Variants in PPM1E observed in about 807,000 individuals in gnomAD.
The protein encoded by PPM1E is protein phosphatase, Mg2+/Mn2+ dependent 1E, also known as protein phosphatase 1E.
In PPM1E, 20 loss-of-function variants were observed where a neutral mutation model predicts 65.9. The observed-to-expected ratio is 0.30, with a 90% CI of 0.21 to 0.44. PPM1E has a LOEUF of 0.44. Ranked by LOEUF, PPM1E falls within the 20% of genes least tolerant of loss-of-function variation. The pLI, the probability that PPM1E is intolerant of heterozygous loss-of-function variation, is 1.00. For synonymous variants in PPM1E, 352 were observed against 374.9 expected (o/e 0.94, Z 0.70); for missense variants, 713 against 953.1 (o/e 0.75, Z 3.32).
intron 2 of PPM1E, among the ~76,000 whole-genome samples, chr17:58,961,495 T>C (rs1678178332): frequency 6.6e-6 from 1 of 152,220 alleles, no homozygotes; most frequent in South Asian, 2.1e-4. Flanking sequence ...GTAAATGTTA[T>C]TTATTATTAC....
Position 58,836,879 on chromosome 17 carries a change from G to A in PPM1E, c.464+80418G>A, listed in dbSNP as rs544318590. ...TACTAAAAATACAAAAATTAGCCGG[G>A]CATGGTGGCGCGCGCCTGTAGTCCC... On this transcript the variant is annotated intron_variant, in intron 1 of 6. Transcript: ENST00000308249. 9.6e-4 allele frequency among the ~76,000 whole-genome samples: 144 copies of A among 150,122 alleles called. No homozygotes were observed. In the Middle Eastern group the frequency reaches 0.01, roughly 11 times the overall value.
intron 4 of PPM1E, among the ~76,000 whole-genome samples, chr17:58,970,040 AC>A (rs2030492926): frequency 6.6e-6 from 1 of 152,182 alleles, no homozygotes; most frequent in Non-Finnish European, 1.5e-5. Context: ...TCACACCAGG[AC>A]CATCTCTCTA....
intron 1 of PPM1E, among the ~76,000 whole-genome samples, chr17:58,806,275 A>G (rs1285383338): frequency 1.3e-5 from 2 of 151,984 alleles, no homozygotes; most frequent in East Asian, 3.8e-4. Flanking sequence ...GCGAGAGTAC[A>G]AAGTCTATTA....
intron 1 of PPM1E, among the ~76,000 whole-genome samples, chr17:58,824,388 A>G (rs910113898): frequency 2.0e-5 from 3 of 152,196 alleles, no homozygotes; most frequent in African/African-American, 7.2e-5. Flanking sequence ...CTGCTGCAGG[A>G]TAAACCTTTT....
intron 1 of PPM1E, among the ~76,000 whole-genome samples, chr17:58,830,442 G>A (rs1181522220): frequency 6.6e-6 from 1 of 151,706 alleles, no homozygotes; most frequent in Non-Finnish European, 1.5e-5. Context: ...CGAGTAGCTG[G>A]GACTACAGGC....
At chr17:58,827,103 T>C (rs2050544773) in intron 1 of PPM1E, among the ~76,000 whole-genome samples, 2 of 151,034 alleles carry the variant, frequency 1.3e-5, no homozygotes, top group Admixed American at 1.3e-4. Flanking sequence ...GTGGAATATA[T>C]AAAAGCCTGC....
rs535752858 is a variant in PPM1E at position 58,774,035 on chromosome 17, G to A, written c.464+17574G>A. ...AAATTAGCTGGGTGTGGTGACACAC[G>A]CCTGTAATCCCAGCTACTCAGGAGG... On this transcript the variant is annotated intron_variant, in intron 1 of 6. Coordinates refer to ENST00000308249, the MANE Select transcript of PPM1E (RefSeq NM_014906.5). Among the ~76,000 whole-genome samples, 162 of 152,086 alleles carry A rather than the reference G, an allele frequency of 1.1e-3. 1 individual carries two copies. The highest frequency in any genetic ancestry group is 3.7e-3 in the African/African-American group (152 of 41,518).
At chr17:58,825,177 AAAAT>A (rs1225457676) in intron 1 of PPM1E, among the ~76,000 whole-genome samples, 1 of 151,686 alleles carries the variant, frequency 6.6e-6, no homozygotes, top group Non-Finnish European at 1.5e-5. Flanking sequence ...ACAGAAAACT[AAAAT>A]AAAAAAAAGA....
intron 1 of PPM1E, among the ~76,000 whole-genome samples, chr17:58,813,888 G>T (rs569570012): frequency 2.0e-5 from 3 of 152,292 alleles, no homozygotes; most frequent in Non-Finnish European, 4.4e-5. Context: ...AGCACTAGGT[G>T]TACAGTGTCA....
At chr17:58,790,361 C>A (rs1029613023) in intron 1 of PPM1E, among the ~76,000 whole-genome samples, 20 of 151,948 alleles carry the variant, frequency 1.3e-4, no homozygotes, top group African/African-American at 4.8e-4. Flanking sequence ...CAGCGCGGCT[C>A]TTGTCTTGAG....
intron 1 of PPM1E, among the ~76,000 whole-genome samples, chr17:58,826,304 CAAAA>C (rs11479413): frequency 2.7e-5 from 3 of 111,028 alleles, no homozygotes; most frequent in Admixed American, 9.8e-5. Flanking sequence ...GACTCGATCT[CAAAA>C]AAAAAAAAAA....
chr17:58,860,920 G>T (rs1011382027), intron 1 of PPM1E, among the ~76,000 whole-genome samples: 1 of 151,882 alleles, frequency 6.6e-6, no homozygotes, highest in Non-Finnish European at 1.5e-5. Context: ...CTGGGCGACA[G>T]AGTGAGACTC....
chr17:58,771,375 C>T (rs2049936535), intron 1 of PPM1E, among the ~76,000 whole-genome samples: 1 of 151,420 alleles, frequency 6.6e-6, no homozygotes, highest in Non-Finnish European at 1.5e-5. Context: ...TGGTGGCTCC[C>T]AGCACTTTGG....
chr17:58,859,163 T>C (rs1392257807), intron 1 of PPM1E, among the ~76,000 whole-genome samples: 1 of 152,174 alleles, frequency 6.6e-6, no homozygotes, highest in East Asian at 1.9e-4. Context: ...GTACCTATGT[T>C]ATGGCAATTT....
chr17:58,767,130 C>CAAGTATG (rs2049888350), intron 1 of PPM1E, among the ~76,000 whole-genome samples: 1 of 152,114 alleles, frequency 6.6e-6, no homozygotes, highest in Non-Finnish European at 1.5e-5. Flanking sequence ...CCCAAAATAA[C>CAAGTATG]AATTGTACAA....
At chr17:58,830,904 C>G (rs887618349) in intron 1 of PPM1E, among the ~76,000 whole-genome samples, 1 of 151,828 alleles carries the variant, frequency 6.6e-6, no homozygotes, top group African/African-American at 2.4e-5. Flanking sequence ...AGGCTGGTCT[C>G]AAACTCTTAT....
intron 1 of PPM1E, among the ~76,000 whole-genome samples, chr17:58,935,094 T>C (rs1048308892): frequency 6.6e-6 from 1 of 150,598 alleles, no homozygotes; most frequent in Non-Finnish European, 1.5e-5. Flanking sequence ...CTACTAAAAA[T>C]GCAAAAATTA....
intron 1 of PPM1E, among the ~76,000 whole-genome samples, chr17:58,854,345 C>T (rs574445794): frequency 3.7e-4 from 56 of 152,112 alleles, no homozygotes; most frequent in African/African-American, 1.2e-3. Context: ...TATAGGATCA[C>T]GTTATCTGTA....
chr17:58,881,743 C>A (rs551638176), intron 1 of PPM1E, among the ~76,000 whole-genome samples: 3 of 152,052 alleles, frequency 2.0e-5, no homozygotes, highest in African/African-American at 7.2e-5. Context: ...ACTCAGGAGG[C>A]TGAGGTGGGA....
Sources: allele counts gnomAD v4.1 joint callset (sites outside exome capture counted in the v4.1 genomes callset), GRCh38; gene constraint gnomAD v4.1.1; transcripts MANE v1.5; gene names NCBI Gene and HGNC (gene_info 2026-07-23, HGNC 2026-07-21).